Variants in ANKHD1 observed in about 807,000 individuals in gnomAD.
ANKHD1 encodes ankyrin repeat and KH domain containing 1.
Under a neutral mutation model 230.5 loss-of-function variants are expected in ANKHD1, and 31 were observed. The ratio of observed to expected loss-of-function variants is 0.13; its 90% CI spans 0.10 to 0.18. The LOEUF is 0.18. ANKHD1 is among the 10% of genes least tolerant of loss of function. The pLI, the probability that ANKHD1 is intolerant of heterozygous loss-of-function variation, is 1.00. For missense variants in ANKHD1, 2,256 were observed against 3,071.3 expected (o/e 0.73, Z 6.27); for synonymous variants, 1,074 against 1,117.6 (o/e 0.96, Z 0.78).
intron 10 of ANKHD1, among the ~76,000 whole-genome samples, chr5:140,481,660 A>G (rs1173922089): frequency 6.6e-6 from 1 of 152,098 alleles, no homozygotes; most frequent in Non-Finnish European, 1.5e-5. Context: ...TAAATTGATC[A>G]TGTGGTAATT....
intron 7 of ANKHD1, among the ~76,000 whole-genome samples, chr5:140,455,666 C>A (rs1458918314): frequency 2.6e-5 from 4 of 152,104 alleles, no homozygotes; most frequent in Non-Finnish European, 5.9e-5. Flanking sequence ...ATTCAACAAC[C>A]CTTCATGCTA....
chr5:140,416,018 A>G (rs182608474), intron 1 of ANKHD1, among the ~76,000 whole-genome samples: 239 of 152,076 alleles, frequency 1.6e-3, no homozygotes, highest in African/African-American at 5.5e-3. Flanking sequence ...ATTCCCACCT[A>G]TGAGTGAGAA....
intron 9 of ANKHD1, among the ~76,000 whole-genome samples, chr5:140,460,665 C>T (rs904808910): frequency 4.6e-5 from 7 of 151,926 alleles, no homozygotes; most frequent in African/African-American, 1.7e-4. Context: ...GGACTATAGG[C>T]GCATACCACT....
At chr5:140,463,956 A>G (rs1304797715) in intron 9 of ANKHD1, among the ~76,000 whole-genome samples, 1 of 151,976 alleles carries the variant, frequency 6.6e-6, no homozygotes, top group Admixed American at 6.6e-5. Flanking sequence ...TACAGGTTTG[A>G]GCCACCATGC....
At chr5:140,478,701 A>G (rs935201207) in intron 10 of ANKHD1, among the ~76,000 whole-genome samples, 6 of 151,360 alleles carry the variant, frequency 4.0e-5, no homozygotes, top group South Asian at 2.1e-4. Flanking sequence ...CTGGAGTGCA[A>G]TGGTGCAGTC....
intron 7 of ANKHD1, 133 bp from the exon 8 acceptor site, chr5:140,458,492 C>T (rs774551051): frequency 1.2e-6 from 1 of 815,004 alleles, no homozygotes; most frequent in Non-Finnish European, 1.9e-6. Flanking sequence ...AATATATATG[C>T]TGTCTATGCT....
chr5:140,478,887 G>T (rs1188069600), intron 10 of ANKHD1, among the ~76,000 whole-genome samples: 1 of 151,958 alleles, frequency 6.6e-6, no homozygotes. Context: ...CAGGTGATCC[G>T]CCTGCCTCGG....
At chr5:140,469,156 A>T (rs1198919790) in intron 10 of ANKHD1, among the ~76,000 whole-genome samples, 1 of 149,512 alleles carries the variant, frequency 6.7e-6, no homozygotes, top group African/African-American at 2.5e-5. Flanking sequence ...TTCCTTTTTT[A>T]AACAGTTTAA....
chr5:140,500,197 G>A (rs965129543), intron 15 of ANKHD1, among the ~76,000 whole-genome samples: 1 of 152,106 alleles, frequency 6.6e-6, no homozygotes, highest in African/African-American at 2.4e-5. Flanking sequence ...ATAGAAAGAA[G>A]ATTGGTTAAA....
At chr5:140,516,025 G>C (rs891748106) in intron 24 of ANKHD1, among the ~76,000 whole-genome samples, 8 of 152,002 alleles carry the variant, frequency 5.3e-5, no homozygotes, top group Non-Finnish European at 1.0e-4. Flanking sequence ...TCAAACCAAA[G>C]GCAAAGAAGT....
intron 9 of ANKHD1, among the ~76,000 whole-genome samples, chr5:140,463,992 T>G (rs1775905720): frequency 6.6e-6 from 1 of 152,084 alleles, no homozygotes; most frequent in South Asian, 2.1e-4. Context: ...AGATTTTTAC[T>G]TAAGTTCAAG....
intron 10 of ANKHD1, among the ~76,000 whole-genome samples, chr5:140,470,361 G>C (rs201511825): frequency 1.4e-4 from 20 of 147,846 alleles, no homozygotes; most frequent in Non-Finnish European, 2.7e-4. Context: ...TTTTTTTTTA[G>C]TGGTGACCGT....
Position 140,445,638 on chromosome 5 carries a change from T to C in ANKHD1, c.914-104T>C, listed in dbSNP as rs1028501006. The C allele has an allele frequency of 1.2e-5, 13 of 1,065,216 alleles. No homozygotes were observed. In the African/African-American group the frequency reaches 2.1e-4, roughly 17 times the overall value. The allele number at this position is 1,065,216 out of a possible 1,614,324, so 66.0% of individuals were successfully genotyped here. A position where few individuals can be genotyped will look rare whatever the true frequency, so the allele number is the denominator to read the frequency against. On this transcript the variant is annotated intron_variant, in intron 5 of 33. Coordinates refer to ENST00000360839, the MANE Select transcript of ANKHD1 (RefSeq NM_017747.3). ...GAGCATTAGCATAATCATAATTGTA[T>C]CTGTTCTGTCATGATTGTATATTTC... is the stretch of plus-strand genomic sequence containing the variant.
At chr5:140,532,834 A>G (rs1054430992) in intron 29 of ANKHD1, 3 of 423,994 alleles carry the variant, frequency 7.1e-6, no homozygotes, top group Non-Finnish European at 1.4e-5. Flanking sequence ...TTAGCTGGGC[A>G]TGGTGGCTCA....
intron 1 of ANKHD1, among the ~76,000 whole-genome samples, chr5:140,402,519 G>A (rs1770035780): frequency 6.6e-6 from 1 of 152,148 alleles, no homozygotes; most frequent in Non-Finnish European, 1.5e-5. Context: ...TCTGAGCTTC[G>A]CGCGGGAACA....
In ANKHD1 at chr5:140,454,570, G is replaced by A. The variant is rs554814293; in HGVS notation, c.1243-4055G>A. On this transcript the variant is annotated intron_variant, in intron 7 of 33. Transcript: ENST00000360839. ...AGGATTAAGAAACTCACTCAAAACCGCTCAACTACATGGAAACTGAACAAC... is the reference window on the plus strand; with the variant it reads ...AGGATTAAGAAACTCACTCAAAACCACTCAACTACATGGAAACTGAACAAC... Among the ~76,000 whole-genome samples, 736 of 152,198 alleles carry A rather than the reference G, an allele frequency of 4.8e-3. 10 individuals carry two copies. The highest frequency in any genetic ancestry group is 5.1e-3 in the Non-Finnish European group (349 of 68,014).
rs755432407 is a variant in ANKHD1 at position 140,436,300 on chromosome 5, C to G, written c.460+43C>G. The G allele has an allele frequency of 1.0e-5, 15 of 1,432,888 alleles. No homozygotes were observed. In the South Asian group the frequency reaches 2.3e-4, roughly 22 times the overall value. 88.8% of individuals were successfully genotyped at this position (1,432,888 alleles called of 1,614,324 possible). A position where few individuals can be genotyped will look rare whatever the true frequency, so the allele number is the denominator to read the frequency against. ...TTATCTTTTTCATATCTTTAAAAGT[C>G]TAGATCTCTTTACAGTTACATGAGA... On this transcript the variant is annotated intron_variant, in intron 2 of 33. Transcript: ENST00000360839.
intron 29 of ANKHD1, among the ~76,000 whole-genome samples, chr5:140,531,553 G>A (rs527390111): frequency 1.3e-5 from 2 of 151,680 alleles, no homozygotes; most frequent in East Asian, 3.9e-4. Flanking sequence ...AGCACTCCAA[G>A]CCTGAACAAA....
At chr5:140,409,855 AT>A (rs1031607036) in intron 1 of ANKHD1, among the ~76,000 whole-genome samples, 1 of 152,068 alleles carries the variant, frequency 6.6e-6, no homozygotes, top group African/African-American at 2.4e-5. Context: ...CCCAGCCACA[AT>A]TTTTTGTATG....
Sources: allele counts gnomAD v4.1 joint callset (sites outside exome capture counted in the v4.1 genomes callset), GRCh38; gene constraint gnomAD v4.1.1; transcripts MANE v1.5; gene names NCBI Gene and HGNC (gene_info 2026-07-23, HGNC 2026-07-21).